Variants in ATRN observed in about 807,000 individuals in gnomAD.
The protein encoded by ATRN is attractin-2.
ATRN carries 54 observed loss-of-function variants against 178.7 expected under a neutral mutation model. The observed-to-expected ratio is 0.30, with a 90% CI of 0.24 to 0.38. The LOEUF is 0.38. Ranked by LOEUF, ATRN falls within the 10% of genes least tolerant of loss-of-function variation. The pLI is 1.00. For missense variants in ATRN, 1,443 were observed against 1,815.1 expected, an observed-to-expected ratio of 0.79 and a Z score of 3.73; for synonymous variants, 636 against 663.0, an observed-to-expected ratio of 0.96 and a Z score of 0.63.
At chr20:3,591,393 G>A (rs1402035932) in intron 19 of ATRN, 87 bp downstream of exon 19, 6 of 1,471,930 alleles carry the variant, frequency 4.1e-6, no homozygotes, top group Non-Finnish European at 5.5e-6. Context: ...GAGGAAAAAA[G>A]CCACTTTGTT....
At position 3,562,574 on chromosome 20, in the gene ATRN, A is replaced by AT. The variant is rs919612607; in HGVS notation, c.1631+117dup. 5.5e-5 allele frequency: 56 copies of AT among 1,013,030 alleles called. No homozygotes were observed. The African/African-American group carries it at 7.7e-4, about 14-fold the overall frequency. The allele number at this position is 1,013,030 out of a possible 1,614,324, so 62.8% of individuals were successfully genotyped here. A position where few individuals can be genotyped will look rare whatever the true frequency, so the allele number is the denominator to read the frequency against. On this transcript the variant is annotated intron_variant, in intron 9 of 28. Coordinates refer to ENST00000262919, the MANE Select transcript of ATRN (RefSeq NM_139321.3). ...TGCCTGGCAGATAATTCTGTTCGGC[A>AT]TTATATATAGAGAAATTGGGAAATA...
intron 1 of ATRN, among the ~76,000 whole-genome samples, chr20:3,521,150 A>C (rs2085290230): frequency 6.6e-6 from 1 of 152,128 alleles, no homozygotes; most frequent in Non-Finnish European, 1.5e-5. Context: ...ATTAGGTACT[A>C]TGCGTACACA....
At chr20:3,550,156 C>T (rs1279397625) in intron 6 of ATRN, among the ~76,000 whole-genome samples, 3 of 152,162 alleles carry the variant, frequency 2.0e-5, no homozygotes, top group Non-Finnish European at 4.4e-5. Flanking sequence ...GATAAAACCC[C>T]ATCTCTACTA....
chr20:3,586,961 G>A (rs1341208165), intron 18 of ATRN, among the ~76,000 whole-genome samples: 1 of 152,238 alleles, frequency 6.6e-6, no homozygotes, highest in East Asian at 1.9e-4. Context: ...TCTCACTGTT[G>A]TTTTCATTTG....
At chr20:3,540,488 G>A (rs2085602831) in intron 3 of ATRN, among the ~76,000 whole-genome samples, 153 bp downstream of exon 3, 1 of 152,220 alleles carries the variant, frequency 6.6e-6, no homozygotes, top group South Asian at 2.1e-4. Flanking sequence ...TCACTTGTGT[G>A]TTAGTGCTAA....
At chr20:3,513,589 T>C (rs986723112) in intron 1 of ATRN, among the ~76,000 whole-genome samples, 15 of 152,206 alleles carry the variant, frequency 9.9e-5, no homozygotes, top group Admixed American at 2.6e-4. Flanking sequence ...CTTGGCGATG[T>C]GGGCTCTTTT....
intron 11 of ATRN, among the ~76,000 whole-genome samples, chr20:3,566,073 A>G (rs1247004688): frequency 6.6e-6 from 1 of 152,050 alleles, no homozygotes; most frequent in Non-Finnish European, 1.5e-5. Flanking sequence ...GTCCTTTGTT[A>G]TTGTTAGTGG....
intron 1 of ATRN, among the ~76,000 whole-genome samples, chr20:3,529,433 A>G (rs940288936): frequency 6.6e-6 from 1 of 152,250 alleles, no homozygotes; most frequent in Non-Finnish European, 1.5e-5. Context: ...TAATTACGTA[A>G]TCCAAGTGTC....
intron 25 of ATRN, among the ~76,000 whole-genome samples, chr20:3,630,942 T>TGGGA (rs1421806540): frequency 3.1e-4 from 20 of 65,074 alleles, no homozygotes; most frequent in Non-Finnish European, 5.1e-4. Context: ...TTTTTTTTTT[T>TGGGA]TTTTTTTTTT....
intron 25 of ATRN, among the ~76,000 whole-genome samples, chr20:3,627,599 T>C (rs2086952577): frequency 6.6e-6 from 1 of 152,138 alleles, no homozygotes; most frequent in Non-Finnish European, 1.5e-5. Flanking sequence ...AGAAGGTATA[T>C]GGTATATGTA....
intron 1 of ATRN, among the ~76,000 whole-genome samples, chr20:3,505,762 TAGAAA>T (rs2085034772): frequency 6.6e-6 from 1 of 152,138 alleles, no homozygotes; most frequent in Non-Finnish European, 1.5e-5. Context: ...TGTAGGTAGA[TAGAAA>T]AGGATACTAA....
At chr20:3,631,506 C>G (rs1431368829) in intron 25 of ATRN, among the ~76,000 whole-genome samples, 1 of 152,168 alleles carries the variant, frequency 6.6e-6, no homozygotes, top group Non-Finnish European at 1.5e-5. Flanking sequence ...CTTTTCCAGC[C>G]TCAGGAAGGA....
At position 3,634,374 on chromosome 20, in the gene ATRN, C is replaced by T. The variant is rs1421367646; in HGVS notation, c.3927C>T (p.Ala1309=). The T allele has an allele frequency of 6.2e-7, 1 of 1,612,678 alleles. No homozygotes were observed. Among genetic ancestry groups the T allele is most frequent in the Non-Finnish European group, 8.5e-7 (1 of 1,179,052 alleles). Residue 1309 remains alanine, a synonymous_variant, in exon 26 of 29, where the codon GCC becomes GCT. Coordinates refer to ENST00000262919, the MANE Select transcript of ATRN (RefSeq NM_139321.3). ...GGAAGATCAAACAAAGTTGTTGGGC[C>T]TCCAGACGTAGAGAGGTAAGCTTCA... ...VVWKIKQSCW[A]SRRREQLLRE...
chr20:3,640,123 A>T (rs1251930981), intron 27 of ATRN, among the ~76,000 whole-genome samples: 1 of 152,234 alleles, frequency 6.6e-6, no homozygotes, highest in African/African-American at 2.4e-5. Flanking sequence ...GAAATAAAAG[A>T]TGAAATCATA....
chr20:3,557,709 A>C lies in ATRN; in HGVS notation c.1113-1684A>C, dbSNP rs1157503754. On this transcript the variant is annotated intron_variant, in intron 6 of 28. Coordinates refer to ENST00000262919, the MANE Select transcript of ATRN (RefSeq NM_139321.3). ...TAGTGCAAATGTTAAGGACCTGGACATTGTAAAAATTTTATAACAAAAATT... is the reference window on the plus strand; with the variant it reads ...TAGTGCAAATGTTAAGGACCTGGACCTTGTAAAAATTTTATAACAAAAATT... 2.6e-5 allele frequency among the ~76,000 whole-genome samples: 4 copies of C among 152,220 alleles called. No individual in the cohort carries two copies. The East Asian group carries it at 7.7e-4, about 29-fold the overall frequency.
At chr20:3,571,785 T>A (rs2086129079) in intron 11 of ATRN, among the ~76,000 whole-genome samples, 1 of 152,206 alleles carries the variant, frequency 6.6e-6, no homozygotes. Context: ...TTTGTTTTTT[T>A]ACTTTGCTTA....
In ATRN at chr20:3,500,745, G is replaced by A. The variant is rs145082009; in HGVS notation, c.410+29228G>A. Among the ~76,000 whole-genome samples, 49 of 150,966 alleles carry A rather than the reference G, an allele frequency of 3.2e-4. No homozygotes were observed. The East Asian group carries it at 9.4e-3, about 29-fold the overall frequency. On this transcript the variant is annotated intron_variant, in intron 1 of 28. Coordinates refer to ENST00000262919, the MANE Select transcript of ATRN (RefSeq NM_139321.3). ...AGACATACCTAATGCTAGATGACGA[G>A]TTAGTGGGTGCAGCGCACCAGCATG...
At chr20:3,554,305 T>TTTTATA (rs1555815683) in intron 6 of ATRN, among the ~76,000 whole-genome samples, 23 of 139,180 alleles carry the variant, frequency 1.7e-4, no homozygotes, top group Admixed American at 7.3e-5. Flanking sequence ...GATTACAGAT[T>TTTTATA]TTTATTTATT....
At chr20:3,591,688 G>T (rs191333500) in intron 19 of ATRN, among the ~76,000 whole-genome samples, 107 of 152,280 alleles carry the variant, frequency 7.0e-4, no homozygotes, top group African/African-American at 2.5e-3. Context: ...CGGACAAAAG[G>T]TTCCAGCAGT....
Sources: gnomAD v4.1 joint callset for allele counts (sites outside exome capture counted in the v4.1 genomes callset) on GRCh38, gnomAD v4.1.1 for gene constraint, MANE v1.5 for transcripts, NCBI Gene and HGNC (gene_info 2026-07-23, HGNC 2026-07-21) for gene names.